The following TRIM66 variants were observed in gnomAD, a reference collection of about 807,000 sequenced individuals.
TRIM66 encodes the protein tripartite motif-containing protein 66.
A neutral mutation model predicts 148.2 loss-of-function variants in TRIM66; 99 were observed. The ratio of observed to expected loss-of-function variants is 0.67; its 90% CI spans 0.57 to 0.79. The LOEUF (loss-of-function observed/expected upper bound fraction) is 0.79. TRIM66 is among the 30% of genes least tolerant of loss of function. TRIM66 has a pLI of 0.00. For synonymous variants in TRIM66, 616 were observed against 635.9 expected, an observed-to-expected ratio of 0.97 and a Z score of 0.47; for missense variants, 1,666 against 1,697.9, an observed-to-expected ratio of 0.98 and a Z score of 0.33.
upstream of TRIM66, chr11:8,682,788 C>T (rs370136035): frequency 2.7e-4 from 442 of 1,613,406 alleles, no homozygotes; most frequent in African/African-American, 4.4e-4. Flanking sequence ...TGGCGAAGGC[C>T]TTCCTTTTTC....
Position 8,621,120 on chromosome 11 carries a change from G to A in TRIM66, c.3457C>T (p.Leu1153Phe), listed in dbSNP as rs768835331. The A allele has an allele frequency of 1.3e-6, 2 of 1,551,620 alleles. No homozygotes were observed. The highest frequency in any genetic ancestry group is 1.4e-5 in the African/African-American group (1 of 73,050). The change falls in exon 20 of 25, where the codon CTC becomes TTC. Residue 1153 changes from leucine (L) to phenylalanine (F), a missense_variant. Coordinates refer to ENST00000646038, the MANE Select transcript of TRIM66 (RefSeq NM_001388022.1). ...IENEDFCAVC[L>F]NGGELLCCDR... is the part of the protein sequence containing the mutation. Reference sequence around the variant, plus strand: ...CAGCACAGTAACTCTCCGCCATTGAGGCAAACAGCACAGAAGTCCTCATTC... The same window carrying A: ...CAGCACAGTAACTCTCCGCCATTGAAGCAAACAGCACAGAAGTCCTCATTC...
intron 1 of TRIM66, chr11:8,682,272 G>C (rs1352868500): frequency 6.5e-6 from 1 of 153,734 alleles, no homozygotes; most frequent in Non-Finnish European, 1.5e-5. Context: ...CCGAGCTTCA[G>C]GAAACCGAGC....
intron 11 of TRIM66, 21 bp downstream of exon 11, chr11:8,646,426 G>A (rs956991375): frequency 5.7e-5 from 88 of 1,542,734 alleles, no homozygotes; most frequent in Non-Finnish European, 7.4e-5. Flanking sequence ...CCAACCATCT[G>A]ATCCATCTGT....
rs2036294102 is a variant in TRIM66 at position 8,640,631 on chromosome 11, G to C, written c.1744C>G (p.Gln582Glu). The change falls in exon 14 of 25, where the codon CAG (glutamine) becomes GAG (glutamate). Residue 582 changes from glutamine (Q) to glutamate (E), a missense_variant. Gln to Glu is a conservative substitution (Grantham distance 29, BLOSUM62 2). Transcript: ENST00000646038. ...PTLQTPSIQV[Q>E]FGHHQKLKLS... The stretch of plus-strand genomic sequence containing the variant: ...TTCAGCTTCTGGTGGTGGCCAAACT[G>C]GACTTGGATAGAGGGTGTCTGTAAG... 5 of 1,551,538 alleles carry C rather than the reference G, an allele frequency of 3.2e-6. No homozygotes were observed. Among genetic ancestry groups the C allele is most frequent in the Admixed American group, 3.9e-5 (2 of 50,980 alleles).
At chr11:8,629,183 T>C (rs904738567) in intron 15 of TRIM66, among the ~76,000 whole-genome samples, 9 of 152,204 alleles carry the variant, frequency 5.9e-5, no homozygotes, top group Non-Finnish European at 1.3e-4. Context: ...AATGTCTCCT[T>C]GTTGTCCTGG....
chr11:8,649,876 C>A lies in TRIM66; in HGVS notation c.456G>T (p.Glu152Asp), dbSNP rs1473343249. ...TATGTGCTGCCCTCTTCTCCTTGCA[C>A]TCAGAGCAGTTCTGGAAGCAGAGAG... The part of the protein sequence containing the change: ...EQPKMARNCS[E>D]CKEKRAAHIL... The change falls in exon 8 of 25, where the codon GAG becomes GAT. Residue 152 changes from glutamate (E) to aspartate (D), a missense_variant. Transcript: ENST00000646038. The A allele has an allele frequency of 2.6e-6, 4 of 1,551,336 alleles. No individual in the cohort carries two copies. The highest frequency in any genetic ancestry group is 2.6e-6 in the Non-Finnish European group (3 of 1,146,798).
At chr11:8,637,891 G>C (rs2036025988) in intron 15 of TRIM66, among the ~76,000 whole-genome samples, 1 of 152,216 alleles carries the variant, frequency 6.6e-6, no homozygotes, top group Non-Finnish European at 1.5e-5. Context: ...GCTCCAGCTA[G>C]ATGTATGACA....
chr11:8,648,011 C>T lies in TRIM66; in HGVS notation c.801G>A (p.Lys267=). 6.4e-7 allele frequency: 1 copy of T among 1,551,802 alleles called. No individual in the cohort carries two copies. Among genetic ancestry groups the T allele is most frequent in the Non-Finnish European group, 8.7e-7 (1 of 1,147,016 alleles). Residue 267 remains lysine, a synonymous_variant, in exon 10 of 25, where the codon AAG becomes AAA. Transcript: ENST00000646038. ...TTGCAGATGTCTGTAGACTGGATTT[C>T]TTATGTGCCACCTGTGTAGTCACAC... The part of the protein sequence containing the change: ...LEGVTTQVAH[K]KSSLQTSAKQ...
At position 8,621,184 on chromosome 11, in the gene TRIM66, T is replaced by G. The variant is rs1255353279; in HGVS notation, c.3393A>C (p.Arg1131=). Residue 1131 remains arginine (R), a synonymous_variant, in exon 20 of 25, where the codon CGA becomes CGC. Coordinates refer to ENST00000646038, the MANE Select transcript of TRIM66 (RefSeq NM_001388022.1). ...GGGGGCCCTTCTTGGCTCCTGGGGT[T>G]CGAGGAATGAGTCTGTGTTCTTCAG... ...TSPEEHRLIP[R]TPGAKKGPPA... is the part of the protein sequence containing the mutation. 1 of 1,551,694 alleles carries G rather than the reference T, an allele frequency of 6.4e-7. No individual in the cohort carries two copies. The highest frequency in any genetic ancestry group is 2.0e-5 in the Admixed American group (1 of 51,008).
chr11:8,642,843 C>CAAAAAAAAAAAAAA (rs60432547), intron 13 of TRIM66, among the ~76,000 whole-genome samples, 166 bp downstream of exon 13: 1 of 73,234 alleles, frequency 1.4e-5, no homozygotes, highest in Non-Finnish European at 2.4e-5. Flanking sequence ...TCTTCCCCCT[C>CAAAAAAAAAAAAAA]AAAAAAAAAA....
In TRIM66 at chr11:8,682,593, A is replaced by G; in HGVS notation, c.-548+8T>C. ...CTCGCCCTCCGAGCCTAGCACAACG[A>G]GCCTCACCGAAACCGTACACCGCCA... On this transcript the variant is annotated splice_region_variant and intron_variant, in intron 1 of 24. Coordinates refer to ENST00000646038, the MANE Select transcript of TRIM66 (RefSeq NM_001388022.1). 1.7e-6 allele frequency: 1 copy of G among 605,428 alleles called. No homozygotes were observed. Among genetic ancestry groups the G allele is most frequent in the Non-Finnish European group, 3.0e-6 (1 of 338,192 alleles). The allele number at this position is 605,428 out of a possible 1,614,324, so 37.5% of individuals were successfully genotyped here.
chr11:8,673,438 C>G (rs1350704824), intron 4 of TRIM66, among the ~76,000 whole-genome samples: 1 of 152,140 alleles, frequency 6.6e-6, no homozygotes, highest in Admixed American at 6.5e-5. Flanking sequence ...TATTACTTGT[C>G]TCAGGTTAAT....
chr11:8,624,215 G>A (rs1161420201), intron 17 of TRIM66, 144 bp downstream of exon 17: 40 of 923,638 alleles, frequency 4.3e-5, no homozygotes, highest in East Asian at 2.7e-4. Flanking sequence ...AGACAGTTCC[G>A]GAGGAGAGAA....
intron 5 of TRIM66, 74 bp from the exon 6 acceptor site, chr11:8,672,172 G>A (rs941974305): frequency 2.6e-6 from 4 of 1,531,996 alleles, no homozygotes; most frequent in East Asian, 2.4e-5. Flanking sequence ...AGGGGCCTTC[G>A]AGAACAAGGC....
At chr11:8,632,792 G>T (rs1401613793) in intron 15 of TRIM66, among the ~76,000 whole-genome samples, 1 of 152,134 alleles carries the variant, frequency 6.6e-6, no homozygotes, top group Non-Finnish European at 1.5e-5. Context: ...CAAAGTTGTT[G>T]CTCTTATTGA....
Position 8,648,034 on chromosome 11 carries a change from C to G in TRIM66, c.778G>C (p.Val260Leu). 6.4e-7 allele frequency: 1 copy of G among 1,551,776 alleles called. No homozygotes were observed. The highest frequency in any genetic ancestry group is 8.7e-7 in the Non-Finnish European group (1 of 1,147,010). ...TTCTTATGTGCCACCTGTGTAGTCA[C>G]ACCTTCCAGAAGCATCCTCTGGTTT... The part of the protein sequence containing the change: ...LQNQRMLLEG[V>L]TTQVAHKKSS... The change falls in exon 10 of 25, where the codon GTG becomes CTG. Residue 260 changes from valine to leucine, a missense_variant. Physicochemically the swap from Val to Leu is conservative, Grantham distance 32 (BLOSUM62 1). Transcript: ENST00000646038.
chr11:8,637,818 C>G (rs1054825682), intron 15 of TRIM66, among the ~76,000 whole-genome samples: 4 of 151,912 alleles, frequency 2.6e-5, no homozygotes, highest in Non-Finnish European at 4.4e-5. Context: ...AAGACAATAG[C>G]GTAAGTGAAA....
intron 3 of TRIM66, among the ~76,000 whole-genome samples, chr11:8,675,195 A>C (rs1248814037): frequency 6.6e-6 from 1 of 152,226 alleles, no homozygotes; most frequent in Non-Finnish European, 1.5e-5. Flanking sequence ...CTTTAGAATC[A>C]CCTCGAATCT....
chr11:8,625,841 C>T (rs530024767), intron 15 of TRIM66, among the ~76,000 whole-genome samples: 238 of 152,282 alleles, frequency 1.6e-3, no homozygotes, highest in Non-Finnish European at 1.5e-3. Context: ...AACTGCAGGG[C>T]CTTCTTATGG....
Sources: gnomAD v4.1 joint callset for allele counts (sites outside exome capture counted in the v4.1 genomes callset) on GRCh38, gnomAD v4.1.1 for gene constraint, MANE v1.5 for transcripts, NCBI Gene and HGNC (gene_info 2026-07-23, HGNC 2026-07-21) for gene names.